The following PARD3 variants were observed in gnomAD, a reference collection of about 807,000 sequenced individuals.
PARD3 encodes the protein par-3 family cell polarity regulator.
Under a neutral mutation model 155.4 loss-of-function variants are expected in PARD3, and 75 were observed. The ratio of observed to expected loss-of-function variants is 0.48; its 90% CI spans 0.40 to 0.58. The LOEUF (loss-of-function observed/expected upper bound fraction) is 0.58. Ranked by LOEUF, PARD3 falls within the 20% of genes least tolerant of loss-of-function variation. The pLI is 0.00. For missense variants in PARD3, 1,642 were observed against 1,721.7 expected (o/e 0.95, Z 0.82); for synonymous variants, 576 against 610.5 (o/e 0.94, Z 0.83).
At chr10:34,811,038 T>C (rs1241295146) in intron 1 of PARD3, among the ~76,000 whole-genome samples, 1 of 152,176 alleles carries the variant, frequency 6.6e-6, no homozygotes, top group South Asian at 2.1e-4. Flanking sequence ...GTGGGAACAG[T>C]GAGCAAAGGG....
At chr10:34,539,180 A>G (rs1195600935) in intron 2 of PARD3, among the ~76,000 whole-genome samples, 1 of 152,188 alleles carries the variant, frequency 6.6e-6, no homozygotes, top group Non-Finnish European at 1.5e-5. Flanking sequence ...TGAACAACTC[A>G]GTATTCTAAC....
chr10:34,610,215 T>G (rs1342044659), intron 2 of PARD3, among the ~76,000 whole-genome samples: 1 of 152,180 alleles, frequency 6.6e-6, no homozygotes, highest in African/African-American at 2.4e-5. Context: ...ATGAGAGTCA[T>G]TAAACTCTCC....
At position 34,111,475 on chromosome 10, in the gene PARD3, C is replaced by G. The variant is rs144844232; in HGVS notation, c.3756G>C (p.Glu1252Asp). 5 of 1,614,118 alleles carry G rather than the reference C, an allele frequency of 3.1e-6. No individual in the cohort carries two copies. In the South Asian group the frequency reaches 5.5e-5, roughly 18 times the overall value. Residue 1252 changes from glutamate to aspartate, a missense_variant, in exon 25 of 25, where the codon GAG (glutamate) becomes GAC (aspartate). Physicochemically the swap from Glu to Asp is conservative, Grantham distance 45. Around this residue, in one of 3 missense-constraint regions of PARD3, gnomAD observed 1,529 missense variants for 1,587.3 expected, o/e 0.96. Transcript: ENST00000374788. The part of the protein sequence containing the change: ...SPGEGFQSAK[E>D]NPRYSSYQGS... ...CTTGGTAGCTGGAGTACCTGGGGTT[C>G]TCTTTGGCACTCTGGAAGCCTTCCC...
At chr10:34,465,771 G>A (rs900277386) in intron 4 of PARD3, among the ~76,000 whole-genome samples, 7 of 152,114 alleles carry the variant, frequency 4.6e-5, no homozygotes, top group African/African-American at 1.7e-4. Flanking sequence ...TTAGAGGGAA[G>A]GAACAATGGC....
chr10:34,772,792 TAAAAAAAAAAAAA>T (rs555582256), intron 1 of PARD3, among the ~76,000 whole-genome samples: 1 of 90,310 alleles, frequency 1.1e-5, no homozygotes, highest in Non-Finnish European at 2.2e-5. Flanking sequence ...AGACTCCATC[TAAAAAAAAAAAAA>T]AAAAAAAAAA....
At chr10:34,240,923 A>C (rs914115685) in intron 22 of PARD3, among the ~76,000 whole-genome samples, 2 of 152,184 alleles carry the variant, frequency 1.3e-5, no homozygotes, top group African/African-American at 4.8e-5. Flanking sequence ...CACACCCTGC[A>C]CACACACATC....
At chr10:34,616,591 G>A (rs977543792) in intron 2 of PARD3, among the ~76,000 whole-genome samples, 35 of 152,288 alleles carry the variant, frequency 2.3e-4, no homozygotes, top group African/African-American at 7.7e-4. Flanking sequence ...AGTGAAATAA[G>A]TTAGGTACAG....
intron 22 of PARD3, among the ~76,000 whole-genome samples, chr10:34,160,646 C>CT (rs909741194): frequency 1.2e-4 from 18 of 152,016 alleles, no homozygotes; most frequent in African/African-American, 3.9e-4. Flanking sequence ...TTTCTATAAT[C>CT]TTTTTTTTGT....
At chr10:34,241,341 C>G (rs1051650510) in intron 22 of PARD3, among the ~76,000 whole-genome samples, 2 of 151,968 alleles carry the variant, frequency 1.3e-5, no homozygotes, top group Non-Finnish European at 2.9e-5. Context: ...TTGGCCTAGT[C>G]AAGGAGTGCA....
At chr10:34,648,791 A>G (rs553813539) in intron 2 of PARD3, among the ~76,000 whole-genome samples, 5 of 152,298 alleles carry the variant, frequency 3.3e-5, no homozygotes, top group African/African-American at 1.2e-4. Context: ...GTGAAAATCT[A>G]TGTCCTTGTA....
intron 3 of PARD3, among the ~76,000 whole-genome samples, chr10:34,488,340 G>A (rs1316009217): frequency 6.6e-6 from 1 of 151,030 alleles, no homozygotes; most frequent in East Asian, 1.9e-4. Context: ...TATTTTTTGA[G>A]ACAGAGTCTC....
intron 20 of PARD3, among the ~76,000 whole-genome samples, chr10:34,294,787 C>G (rs1470362215): frequency 6.6e-6 from 1 of 152,116 alleles, no homozygotes; most frequent in African/African-American, 2.4e-5. Flanking sequence ...AGGTTCAAGT[C>G]AAGAGGCAAA....
intron 3 of PARD3, among the ~76,000 whole-genome samples, chr10:34,471,215 G>A (rs2078325768): frequency 6.6e-6 from 1 of 152,146 alleles, no homozygotes; most frequent in Admixed American, 6.6e-5. Context: ...TACACGAAAG[G>A]TAGTATTTTA....
intron 2 of PARD3, among the ~76,000 whole-genome samples, chr10:34,562,885 C>A (rs554971838): frequency 1.3e-5 from 2 of 152,148 alleles, no homozygotes; most frequent in African/African-American, 4.8e-5. Flanking sequence ...CATATTCCCA[C>A]AACAGCCTCC....
chr10:34,431,195 C>A (rs140371988), intron 5 of PARD3, among the ~76,000 whole-genome samples: 1 of 152,092 alleles, frequency 6.6e-6, no homozygotes, highest in Non-Finnish European at 1.5e-5. Flanking sequence ...CCTGATGCTA[C>A]CCCTTCATTT....
At chr10:34,491,419 T>C (rs2079897869) in intron 3 of PARD3, among the ~76,000 whole-genome samples, 1 of 152,238 alleles carries the variant, frequency 6.6e-6, no homozygotes, top group Non-Finnish European at 1.5e-5. Flanking sequence ...TAATTGTTTT[T>C]CTACTTATCA....
At chr10:34,171,216 AAAG>A (rs1373441761) in intron 22 of PARD3, among the ~76,000 whole-genome samples, 1 of 152,226 alleles carries the variant, frequency 6.6e-6, no homozygotes. Flanking sequence ...TGAAAGGCAA[AAAG>A]AAGGTTAACG....
At chr10:34,574,422 G>GC (rs2134188304) in intron 2 of PARD3, among the ~76,000 whole-genome samples, 2 of 152,226 alleles carry the variant, frequency 1.3e-5, no homozygotes, top group South Asian at 4.1e-4. Context: ...CTCTGAACAA[G>GC]CAATATAGCA....
intron 1 of PARD3, among the ~76,000 whole-genome samples, chr10:34,790,620 T>A (rs1451786212): frequency 6.6e-6 from 1 of 152,186 alleles, no homozygotes; most frequent in Non-Finnish European, 1.5e-5. Flanking sequence ...GTATTCTCTT[T>A]AAAATGAAGC....
Sources: gnomAD v4.1 joint callset for allele counts (sites outside exome capture counted in the v4.1 genomes callset) on GRCh38, gnomAD v4.1.1 for gene constraint, gnomAD v4.1.1 regional missense constraint, MANE v1.5 for transcripts, NCBI Gene and HGNC (gene_info 2026-07-23, HGNC 2026-07-21) for gene names.